Variants in ZNF136 observed in about 807,000 individuals in gnomAD.
The protein encoded by ZNF136 is zinc finger protein 136, also known as zinc finger protein 136 (clone pHZ-20).
A neutral mutation model predicts 11.4 loss-of-function variants in ZNF136; 8 were observed. That is an observed-to-expected ratio of 0.70 (90% CI 0.41 to 1.27). The LOEUF (loss-of-function observed/expected upper bound fraction) is 1.27, where lower values mean the gene tolerates loss of function less well. Among genes scored for constraint, ZNF136 ranks in the 50% most tolerant of loss-of-function variants. The probability of loss-of-function intolerance (pLI) is 0.01; values close to 1 mark genes in which losing one functional copy is unlikely to be tolerated. For missense variants in ZNF136, 590 were observed against 656.5 expected (o/e 0.90, Z 1.11); for synonymous variants, 190 against 207.1 (o/e 0.92, Z 0.71).
At chr19:12,172,312 A>G (rs1276556646) in intron 1 of ZNF136, among the ~76,000 whole-genome samples, 1 of 152,160 alleles carries the variant, frequency 6.6e-6, no homozygotes, top group East Asian at 1.9e-4. Flanking sequence ...GAGACTGGCT[A>G]AAACTTTATC....
Position 12,163,206 on chromosome 19 carries a change from GGTGA to G in ZNF136, c.3+4_3+7del, listed in dbSNP as rs754916057. ...CTGGGACACCCGGGAGTCAGGAAAT[GGTGA>G]GTGTGTCGGGCCCTGCGTCCCGAGA... On this transcript the variant is annotated splice_donor_variant and splice_donor_region_variant and intron_variant, in intron 1 of 3. Coordinates refer to ENST00000343979, the MANE Select transcript of ZNF136 (RefSeq NM_003437.5). LOFTEE classifies it high-confidence loss of function. 2.9e-6 allele frequency: 4 copies of G among 1,402,710 alleles called. No individual in the cohort carries two copies. The African/African-American group carries it at 4.5e-5, about 16-fold the overall frequency. 86.9% of individuals were successfully genotyped at this position (1,402,710 alleles called of 1,614,324 possible). A position where few individuals can be genotyped will look rare whatever the true frequency, so the allele number is the denominator to read the frequency against.
intron 1 of ZNF136, among the ~76,000 whole-genome samples, chr19:12,166,227 CA>C (rs748858496): frequency 2.8e-4 from 38 of 135,160 alleles, no homozygotes; most frequent in Admixed American, 3.7e-4. Context: ...GACTCCGTCT[CA>C]AAAAAAAAAA....
At chr19:12,170,077 A>G (rs922129360) in intron 1 of ZNF136, among the ~76,000 whole-genome samples, 2 of 137,606 alleles carry the variant, frequency 1.5e-5, no homozygotes, top group Non-Finnish European at 3.2e-5. Flanking sequence ...TACAGGCGTG[A>G]GCCACCACGC....
intron 1 of ZNF136, among the ~76,000 whole-genome samples, chr19:12,172,566 A>G (rs1241203429): frequency 6.6e-6 from 1 of 152,222 alleles, no homozygotes; most frequent in Non-Finnish European, 1.5e-5. Context: ...ATTAGTGGCT[A>G]ATAAACACTA....
intron 1 of ZNF136, among the ~76,000 whole-genome samples, chr19:12,180,118 G>C (rs187716229): frequency 9.2e-5 from 14 of 152,084 alleles, no homozygotes; most frequent in Non-Finnish European, 1.9e-4. Flanking sequence ...TGCCTGCCTC[G>C]GTCTCCCAAA....
intron 1 of ZNF136, among the ~76,000 whole-genome samples, chr19:12,169,595 A>G (rs1011055328): frequency 1.4e-5 from 2 of 140,296 alleles, no homozygotes; most frequent in African/African-American, 5.3e-5. Flanking sequence ...AGGTGACCAC[A>G]GTACTGATTC....
chr19:12,165,599 C>T (rs1296506914), intron 1 of ZNF136, among the ~76,000 whole-genome samples: 4 of 152,068 alleles, frequency 2.6e-5, no homozygotes, highest in African/African-American at 9.7e-5. Context: ...GGCTTTTTAC[C>T]TAAGAAGCAG....
chr19:12,170,631 T>C (rs1218800662), intron 1 of ZNF136, among the ~76,000 whole-genome samples: 1 of 151,876 alleles, frequency 6.6e-6, no homozygotes, highest in Non-Finnish European at 1.5e-5. Flanking sequence ...ACTGGGATTA[T>C]AGGCATGAGC....
chr19:12,170,145 G>C (rs1466388186), intron 1 of ZNF136, among the ~76,000 whole-genome samples: 1 of 149,002 alleles, frequency 6.7e-6, no homozygotes, highest in African/African-American at 2.4e-5. Flanking sequence ...AGCCAGGGTG[G>C]TCTCAATCTC....
chr19:12,166,302 T>G (rs1977186074), intron 1 of ZNF136, among the ~76,000 whole-genome samples: 1 of 151,962 alleles, frequency 6.6e-6, no homozygotes, highest in Non-Finnish European at 1.5e-5. Context: ...CCAGATCATG[T>G]GTAGTATATG....
chr19:12,187,513 A>T lies in ZNF136; in HGVS notation c.1135A>T (p.Met379Leu). 6.2e-7 allele frequency: 1 copy of T among 1,613,198 alleles called. No homozygotes were observed. The highest frequency in any genetic ancestry group is 8.5e-7 in the Non-Finnish European group (1 of 1,179,724). ...CGEAFSCIPS[M>L]RRHMIKHTGE... ...GGAAGCATTCAGTTGTATCCCAAGT[A>T]TGCGAAGACACATGATAAAACATAC... The change falls in exon 4 of 4, where the codon ATG (methionine) becomes TTG (leucine). Residue 379 changes from methionine to leucine, a missense_variant. Met to Leu is a conservative substitution (Grantham distance 15). Transcript: ENST00000343979.
rs539715624 is a variant in ZNF136, at chr19:12,187,873, A to G, written c.1495A>G (p.Thr499Ala). The change falls in exon 4 of 4, where the codon ACT (threonine) becomes GCT (alanine). Residue 499 changes from threonine to alanine, a missense_variant. Physicochemically the swap from Thr to Ala is moderately conservative, Grantham distance 58 (BLOSUM62 0). Coordinates refer to ENST00000343979, the MANE Select transcript of ZNF136 (RefSeq NM_003437.5). ...CTTTCGACTACATGAAAGGACTCAC[A>G]CTGGACAGAAACCCTATCATTGCAA... is the stretch of plus-strand genomic sequence containing the variant. ...SSFRLHERTH[T>A]GQKPYHCKEC... The G allele has an allele frequency of 1.2e-5, 20 of 1,602,658 alleles. No individual in the cohort carries two copies. The highest frequency in any genetic ancestry group is 1.7e-5 in the Non-Finnish European group (20 of 1,176,588).
At chr19:12,175,293 G>A (rs541006119) in intron 1 of ZNF136, among the ~76,000 whole-genome samples, 1 of 151,484 alleles carries the variant, frequency 6.6e-6, no homozygotes, top group East Asian at 2.0e-4. Flanking sequence ...CTCCTGGGCT[G>A]AAACGATTCT....
At chr19:12,186,319 G>A in intron 3 of ZNF136, 145 bp downstream of exon 3, 1 of 905,184 alleles carries the variant, frequency 1.1e-6, no homozygotes. Flanking sequence ...ATTCTTCAGT[G>A]TAAACAGATG....
chr19:12,178,259 T>C (rs269814), intron 1 of ZNF136, among the ~76,000 whole-genome samples: 37,366 of 152,164 alleles, frequency 0.25, 7,202 homozygotes, highest in African/African-American at 0.54. Context: ...CTTTCCACTC[T>C]GTTAATTGTT....
intron 1 of ZNF136, among the ~76,000 whole-genome samples, chr19:12,174,857 C>CTTTTT (rs538143217): frequency 0.16 from 14,092 of 86,710 alleles, 1,200 homozygotes; most frequent in African/African-American, 0.25. Context: ...GGATGGCTTT[C>CTTTTT]TTTTTTTTTT....
At position 12,168,057 on chromosome 19, in the gene ZNF136, C is replaced by CTTTTTTTTTTTTTTTTTTTTTTTTT. The variant is rs386388563; in HGVS notation, c.3+4857_3+4881dup. Among the ~76,000 whole-genome samples, 426 of 71,166 alleles carry CTTTTTTTTTTTTTTTTTTTTTTTTT rather than the reference C, an allele frequency of 6.0e-3. 60 individuals are homozygous for CTTTTTTTTTTTTTTTTTTTTTTTTT. The highest frequency in any genetic ancestry group is 7.2e-3 in the Non-Finnish European group (294 of 40,908). The allele number at this position is 71,166 out of a possible 152,430, so 46.7% of individuals were successfully genotyped here. ...GCCCATTTTTTTTTCTTTTCTTTTT[C>CTTTTTTTTTTTTTTTTTTTTTTTTT]TTTTTTTTTTTTTTTTTTTTTTTTT... On this transcript the variant is annotated intron_variant, in intron 1 of 3. Coordinates refer to ENST00000343979, the MANE Select transcript of ZNF136 (RefSeq NM_003437.5).
chr19:12,174,681 G>A (rs1033298768), intron 1 of ZNF136, among the ~76,000 whole-genome samples: 53 of 151,808 alleles, frequency 3.5e-4, no homozygotes, highest in African/African-American at 1.3e-3. Context: ...TGTTGCCCAG[G>A]CTGGAGTGCA....
At position 12,186,834 on chromosome 19, in the gene ZNF136, C is replaced by T. The variant is rs1278131400; in HGVS notation, c.456C>T (p.His152=). Residue 152 remains histidine (H), a synonymous_variant, in exon 4 of 4, where the codon CAC becomes CAT. Coordinates refer to ENST00000343979, the MANE Select transcript of ZNF136 (RefSeq NM_003437.5). ...AGTGTTGGAAACCCTTCAGTTCTCA[C>T]CACTCCTTTCGAACACATGAGATAA... The part of the protein sequence containing the change: ...RNQCWKPFSS[H]HSFRTHEIIH... 7 of 1,614,140 alleles carry T rather than the reference C, an allele frequency of 4.3e-6. No homozygotes were observed. The highest frequency in any genetic ancestry group is 5.9e-6 in the Non-Finnish European group (7 of 1,180,008).
Sources: allele counts gnomAD v4.1 joint callset (sites outside exome capture counted in the v4.1 genomes callset), GRCh38; gene constraint gnomAD v4.1.1; transcripts MANE v1.5; gene names NCBI Gene and HGNC (gene_info 2026-07-23, HGNC 2026-07-21).